Variants in EPHA6 observed in about 807,000 individuals in gnomAD.
The protein encoded by EPHA6 is ephrin type-A receptor 6.
Under a neutral mutation model 112.0 loss-of-function variants are expected in EPHA6, and 50 were observed. The ratio of observed to expected loss-of-function variants is 0.45; its 90% CI spans 0.36 to 0.56. The LOEUF (loss-of-function observed/expected upper bound fraction) is 0.56, where lower values mean the gene tolerates loss of function less well. Ranked by LOEUF, EPHA6 falls within the 20% of genes least tolerant of loss-of-function variation. EPHA6 has a pLI of 0.00. For synonymous variants in EPHA6, 529 were observed against 490.7 expected, an observed-to-expected ratio of 1.08 and a Z score of -1.03; for missense variants, 1,280 against 1,417.4, an observed-to-expected ratio of 0.90 and a Z score of 1.56.
chr3:97,524,719 T>C (rs144252897), intron 10 of EPHA6, among the ~76,000 whole-genome samples: 1 of 152,292 alleles, frequency 6.6e-6, no homozygotes, highest in Non-Finnish European at 1.5e-5. Context: ...ATCTCATTTT[T>C]CATTTCTGAA....
At chr3:97,128,467 G>C (rs1015806654) in intron 3 of EPHA6, among the ~76,000 whole-genome samples, 2 of 151,970 alleles carry the variant, frequency 1.3e-5, no homozygotes, top group Non-Finnish European at 2.9e-5. Context: ...TCTAGCTTTG[G>C]GGCATAGAAG....
intron 3 of EPHA6, among the ~76,000 whole-genome samples, chr3:97,047,404 G>T (rs990944787): frequency 6.6e-6 from 1 of 150,410 alleles, no homozygotes; most frequent in Non-Finnish European, 1.5e-5. Flanking sequence ...GGAGGCTGAG[G>T]CAGGATAATG....
intron 3 of EPHA6, among the ~76,000 whole-genome samples, chr3:97,075,418 C>T (rs549404230): frequency 3.9e-5 from 6 of 151,902 alleles, no homozygotes; most frequent in South Asian, 4.2e-4. Flanking sequence ...TGTTCTGGGG[C>T]GTCTGGGTGT....
At chr3:97,439,039 C>T (rs1284663093) in intron 6 of EPHA6, among the ~76,000 whole-genome samples, 8 of 152,208 alleles carry the variant, frequency 5.3e-5, no homozygotes, top group South Asian at 2.1e-4. Flanking sequence ...AAATCAATTA[C>T]GAATGTTTAA....
rs186110315 is a variant in EPHA6, at chr3:96,942,557, C to A, written c.451-44773C>A. Among the ~76,000 whole-genome samples the A allele has an allele frequency of 5.9e-5, 9 of 152,344 alleles. No individual in the cohort carries two copies. In the East Asian group the frequency reaches 1.2e-3, roughly 20 times the overall value. On this transcript the variant is annotated intron_variant, in intron 2 of 17. Transcript: ENST00000389672. ...GGAAAGGGAACTCCCTGACTCCTTG[C>A]GCTTCCCGAGTGAGGCAATGCCTTG... is the stretch of plus-strand genomic sequence containing the variant.
In EPHA6 at chr3:97,748,933, C is replaced by T; in HGVS notation, c.*232C>T. 2.0e-6 allele frequency: 1 copy of T among 506,518 alleles called. No homozygotes were observed. Among genetic ancestry groups the T allele is most frequent in the Non-Finnish European group, 3.6e-6 (1 of 278,282 alleles). The allele number at this position is 506,518 out of a possible 1,614,324, so 31.4% of individuals were successfully genotyped here. ...AACCCTGGCCCACTGCAGATTATTG[C>T]TACGCAATGGTAAATAACTCAGCAT... On this transcript the variant is annotated 3_prime_UTR_variant, in exon 18 of 18. Transcript: ENST00000389672.
At chr3:96,855,851 G>A (rs1576155009) in intron 1 of EPHA6, among the ~76,000 whole-genome samples, 1 of 152,088 alleles carries the variant, frequency 6.6e-6, no homozygotes, top group South Asian at 2.1e-4. Flanking sequence ...ATCAATGGTT[G>A]TAAGTCTATA....
At chr3:96,818,240 C>T (rs60988136) in intron 1 of EPHA6, among the ~76,000 whole-genome samples, 9,422 of 151,992 alleles carry the variant, frequency 0.062, 622 homozygotes, top group Admixed American at 0.21. Flanking sequence ...ATCACAGTGG[C>T]CAGTAGACAC....
At chr3:97,725,054 G>T (rs1386097) in intron 15 of EPHA6, among the ~76,000 whole-genome samples, 149,337 of 152,188 alleles carry the variant, frequency 0.98, 73,292 homozygotes, top group East Asian at 0.99. Context: ...TAAGCAAAAA[G>T]TAGGAAATTT....
Position 97,448,689 on chromosome 3 carries a change from G to A in EPHA6, c.1853G>A (p.Ser618Asn). Residue 618 changes from serine (S) to asparagine (N), a missense_variant, in exon 7 of 18, where the codon AGT (serine) becomes AAT (asparagine). Physicochemically the swap from Ser to Asn is conservative, Grantham distance 46. Coordinates refer to ENST00000389672, the MANE Select transcript of EPHA6 (RefSeq NM_001080448.3). ...CGAGTGAGAACTGCGACAGGATACA[G>A]TGGCTACAGTCAGAAATTTGAATTT... Reference protein sequence around the residue: ...HIRVRTATGYSGYSQKFEFET... With the variant: ...HIRVRTATGYNGYSQKFEFET... 6.2e-7 allele frequency: 1 copy of A among 1,613,502 alleles called. No homozygotes were observed. The highest frequency in any genetic ancestry group is 8.5e-7 in the Non-Finnish European group (1 of 1,179,546).
chr3:96,847,834 A>G (rs886319380), intron 1 of EPHA6, among the ~76,000 whole-genome samples: 5 of 152,140 alleles, frequency 3.3e-5, no homozygotes, highest in East Asian at 1.9e-4. Context: ...ATCTAGGGGT[A>G]GGTAGAGTAG....
chr3:97,228,152 C>A (rs771888920), intron 4 of EPHA6, among the ~76,000 whole-genome samples: 4 of 151,934 alleles, frequency 2.6e-5, no homozygotes, highest in Non-Finnish European at 5.9e-5. Context: ...TTGTGGAATT[C>A]GGATTTTATT....
chr3:97,600,146 T>A (rs2093631403), intron 12 of EPHA6, among the ~76,000 whole-genome samples: 1 of 150,980 alleles, frequency 6.6e-6, no homozygotes, highest in Admixed American at 6.6e-5. Context: ...AAGTTGCTTA[T>A]CAGCTGAAGG....
At chr3:96,860,965 AG>A (rs201189608) in intron 1 of EPHA6, among the ~76,000 whole-genome samples, 2,029 of 152,188 alleles carry the variant, frequency 0.013, 46 homozygotes, top group African/African-American at 0.044. Context: ...ACAACTTTTG[AG>A]GTAACTCATT....
chr3:97,246,879 T>A (rs1007819996), intron 5 of EPHA6, among the ~76,000 whole-genome samples: 3 of 151,948 alleles, frequency 2.0e-5, no homozygotes, highest in Admixed American at 2.0e-4. Flanking sequence ...AAGGGTAATG[T>A]TATGAACTAT....
Position 97,490,136 on chromosome 3 carries a change from G to A in EPHA6, c.2200+6077G>A, listed in dbSNP as rs540068639. Among the ~76,000 whole-genome samples, 6 of 152,108 alleles carry A rather than the reference G, an allele frequency of 3.9e-5. No individual in the cohort carries two copies. The East Asian group carries it at 1.2e-3, about 29-fold the overall frequency. On this transcript the variant is annotated intron_variant, in intron 10 of 17. Coordinates refer to ENST00000389672, the MANE Select transcript of EPHA6 (RefSeq NM_001080448.3). ...AAAAATAATGAGTAAATAAATGAAT[G>A]ACAAAAGGATATAGAATTATTCTAA...
intron 14 of EPHA6, among the ~76,000 whole-genome samples, chr3:97,638,447 C>G (rs1008082082): frequency 6.6e-6 from 1 of 152,008 alleles, no homozygotes; most frequent in Non-Finnish European, 1.5e-5. Flanking sequence ...TAATTACTAC[C>G]TCAGTAATAT....
chr3:96,982,717 G>C (rs1158839362), intron 2 of EPHA6, among the ~76,000 whole-genome samples: 1 of 151,864 alleles, frequency 6.6e-6, no homozygotes, highest in Non-Finnish European at 1.5e-5. Flanking sequence ...CAAAGGACTT[G>C]CTTTATGAAT....
At chr3:96,901,119 C>A (rs1221107194) in intron 2 of EPHA6, among the ~76,000 whole-genome samples, 1 of 152,080 alleles carries the variant, frequency 6.6e-6, no homozygotes, top group East Asian at 1.9e-4. Context: ...TCTTTGGGGG[C>A]AACCTGTTAA....
Sources: allele counts gnomAD v4.1 joint callset (sites outside exome capture counted in the v4.1 genomes callset), GRCh38; gene constraint gnomAD v4.1.1; transcripts MANE v1.5; gene names NCBI Gene and HGNC (gene_info 2026-07-23, HGNC 2026-07-21).